The following RBFOX3 variants were observed in gnomAD, a reference collection of about 807,000 sequenced individuals.
The protein encoded by RBFOX3 is RNA binding protein fox-1 homolog 3.
In RBFOX3, 17 loss-of-function variants were observed where a neutral mutation model predicts 48.7. The ratio of observed to expected loss-of-function variants is 0.35; its 90% CI spans 0.24 to 0.52. The LOEUF is 0.52. Among genes scored for constraint, RBFOX3 ranks in the 20% least tolerant of loss-of-function variants. RBFOX3 has a pLI of 0.94. For synonymous variants in RBFOX3, 212 were observed against 209.5 expected, an observed-to-expected ratio of 1.01 and a Z score of -0.10; for missense variants, 382 against 497.5, an observed-to-expected ratio of 0.77 and a Z score of 2.21.
intron 2 of RBFOX3, among the ~76,000 whole-genome samples, chr17:79,340,774 C>T (rs1328385763): frequency 6.6e-6 from 1 of 152,114 alleles, no homozygotes; most frequent in African/African-American, 2.4e-5. Context: ...TAATGAACAT[C>T]TGGATTCCAT....
chr17:79,630,528 G>A, the RBFOX3 span, among the ~76,000 whole-genome samples: 1 of 152,240 alleles, frequency 6.6e-6, no homozygotes, highest in East Asian at 1.9e-4. Context: ...AAATGGGTTT[G>A]CCGGTATCAG....
At chr17:79,334,926 T>TG in intron 2 of RBFOX3, among the ~76,000 whole-genome samples, 1 of 152,344 alleles carries the variant, frequency 6.6e-6, no homozygotes, top group East Asian at 1.9e-4. Context: ...TCCAGCATGC[T>TG]GGGGGCCTTC....
At chr17:79,367,346 C>G (rs1214514953) in intron 2 of RBFOX3, among the ~76,000 whole-genome samples, 1 of 149,184 alleles carries the variant, frequency 6.7e-6, no homozygotes, top group African/African-American at 2.5e-5. Context: ...TCTTCCTCCC[C>G]CTCCTCCTCC....
chr17:79,371,995 C>A (rs921784823), intron 2 of RBFOX3, among the ~76,000 whole-genome samples: 13 of 152,082 alleles, frequency 8.5e-5, no homozygotes, highest in Admixed American at 2.6e-4. Context: ...TTCGGGGAGA[C>A]CCTCCCCGCA....
chr17:79,092,226 T>A (rs945357040), intron 14 of RBFOX3: 2 of 985,406 alleles, frequency 2.0e-6, no homozygotes, highest in Admixed American at 6.1e-5. Context: ...CTTGCCCTCA[T>A]AGGGCGCTAC....
At chr17:79,526,555 T>C (rs880925) in intron 1 of RBFOX3, among the ~76,000 whole-genome samples, 27,826 of 152,156 alleles carry the variant, frequency 0.18, 6,693 homozygotes, top group African/African-American at 0.56. Flanking sequence ...AGATAGGAAG[T>C]ATCCTGATCG....
intron 4 of RBFOX3, among the ~76,000 whole-genome samples, chr17:79,117,759 G>C (rs1300777998): frequency 6.6e-6 from 1 of 152,214 alleles, no homozygotes; most frequent in Admixed American, 6.5e-5. Flanking sequence ...GGGTGTGCCA[G>C]GCCCATGCCA....
At chr17:79,489,901 C>T (rs1598913327) in intron 1 of RBFOX3, among the ~76,000 whole-genome samples, 1 of 152,160 alleles carries the variant, frequency 6.6e-6, no homozygotes, top group Admixed American at 6.5e-5. Context: ...ACATAAGCTC[C>T]TAACCAAAAT....
chr17:79,107,930 C>CA (rs1229538952), intron 5 of RBFOX3, among the ~76,000 whole-genome samples: 1 of 152,228 alleles, frequency 6.6e-6, no homozygotes, highest in Non-Finnish European at 1.5e-5. Context: ...GAGGGGTTCT[C>CA]ACTGTCCACA....
chr17:79,225,291 CT>C (rs58461275), intron 4 of RBFOX3, among the ~76,000 whole-genome samples: 30,037 of 127,858 alleles, frequency 0.23, 3,562 homozygotes, highest in Non-Finnish European at 0.27. Context: ...TCCCTCCATT[CT>C]TTTTTTTTTT....
chr17:79,359,874 C>T (rs1050586398), intron 2 of RBFOX3, among the ~76,000 whole-genome samples: 2 of 151,996 alleles, frequency 1.3e-5, no homozygotes, highest in African/African-American at 4.8e-5. Context: ...TACAGGTGCA[C>T]GCCACCATGC....
chr17:79,217,971 C>G (rs747693332), intron 4 of RBFOX3, among the ~76,000 whole-genome samples: 7 of 151,644 alleles, frequency 4.6e-5, no homozygotes, highest in African/African-American at 1.5e-4. Context: ...GAGATTTGAT[C>G]GGGGCAGGCG....
chr17:79,639,359 G>A, the RBFOX3 span, among the ~76,000 whole-genome samples: 3 of 152,006 alleles, frequency 2.0e-5, no homozygotes, highest in East Asian at 5.8e-4. Flanking sequence ...GGTATTTTTA[G>A]TAGAGATGGG....
At chr17:79,638,317 TTTTA>T in the RBFOX3 span, among the ~76,000 whole-genome samples, 32 of 94,788 alleles carry the variant, frequency 3.4e-4, no homozygotes, top group African/African-American at 7.8e-4. Flanking sequence ...TTTTTTTTTT[TTTTA>T]AATAAAATAA....
At chr17:79,611,130 T>TTCTCTCTCTCTCTCTCTCTCTCTCTCTC (rs1173570495), upstream of RBFOX3, among the ~76,000 whole-genome samples, 11 of 37,812 alleles carry the variant, frequency 2.9e-4, 1 homozygote, top group African/African-American at 1.0e-3. Flanking sequence ...TCCGCCCTCC[T>TTCTCTCTCTCTCTCTCTCTCTCTCTCTC]TCTCTCTCTC....
At chr17:79,192,467 A>G (rs72846025) in intron 4 of RBFOX3, among the ~76,000 whole-genome samples, 5,120 of 152,332 alleles carry the variant, frequency 0.034, 136 homozygotes, top group Non-Finnish European at 0.048. Flanking sequence ...GCAAGGAGCC[A>G]GCCCCGCAAT....
At chr17:79,621,862 G>A in the RBFOX3 span, among the ~76,000 whole-genome samples, 1 of 150,608 alleles carries the variant, frequency 6.6e-6, no homozygotes, top group Non-Finnish European at 1.5e-5. Context: ...CCCGTGTGAA[G>A]ACACACACAT....
intron 1 of RBFOX3, among the ~76,000 whole-genome samples, chr17:79,605,290 T>C (rs1599275513): frequency 6.6e-6 from 1 of 152,188 alleles, no homozygotes; most frequent in East Asian, 1.9e-4. Context: ...TGATCTCAAC[T>C]GGGCCCCCAA....
chr17:79,485,477 A>G (rs530701260), intron 1 of RBFOX3, among the ~76,000 whole-genome samples: 1 of 152,170 alleles, frequency 6.6e-6, no homozygotes, highest in South Asian at 2.1e-4. Flanking sequence ...CAGCACAGAA[A>G]TCTTTAAGTG....
Sources: allele counts gnomAD v4.1 joint callset (sites outside exome capture counted in the v4.1 genomes callset), GRCh38; gene constraint gnomAD v4.1.1; transcripts MANE v1.5; gene names NCBI Gene and HGNC (gene_info 2026-07-23, HGNC 2026-07-21).